Variants in UBASH3B observed in about 807,000 individuals in gnomAD.
The protein encoded by UBASH3B is ubiquitin associated and SH3 domain containing B.
A neutral mutation model predicts 83.4 loss-of-function variants in UBASH3B; 37 were observed. The ratio of observed to expected loss-of-function variants is 0.44; its 90% CI spans 0.34 to 0.58. The LOEUF (loss-of-function observed/expected upper bound fraction) is 0.58, where lower values mean the gene tolerates loss of function less well. Ranked by LOEUF, UBASH3B falls within the 20% of genes least tolerant of loss-of-function variation. UBASH3B has a pLI of 0.01. For synonymous variants in UBASH3B, 304 were observed against 318.3 expected, an observed-to-expected ratio of 0.96 and a Z score of 0.48; for missense variants, 657 against 827.2, an observed-to-expected ratio of 0.79 and a Z score of 2.52.
chr11:122,704,655 A>G (rs1223517258), intron 1 of UBASH3B, among the ~76,000 whole-genome samples: 2 of 151,918 alleles, frequency 1.3e-5, no homozygotes, highest in Non-Finnish European at 1.5e-5. Flanking sequence ...GACTACAGGC[A>G]CGCACCACCA....
chr11:122,759,638 C>T lies in UBASH3B; in HGVS notation c.162-16581C>T, dbSNP rs573060286. ...TGGGAGACAATGACAGACTATCAGG[C>T]ATTAGATTCTCCTGAGGAGCCTGCA... On this transcript the variant is annotated intron_variant, in intron 1 of 13. Coordinates refer to ENST00000284273, the MANE Select transcript of UBASH3B (RefSeq NM_032873.5). The surrounding 1 kb of genome is among the most constrained non-coding windows in gnomAD (Gnocchi z 4.1). Among the ~76,000 whole-genome samples, 6 of 152,286 alleles carry T rather than the reference C, an allele frequency of 3.9e-5. No homozygotes were observed. Among genetic ancestry groups the T allele is most frequent in the Admixed American group, 6.5e-5 (1 of 15,294 alleles).
In UBASH3B at chr11:122,799,008, T is replaced by C. The variant is rs1200141566; in HGVS notation, c.1424T>C (p.Val475Ala). 8.7e-6 allele frequency: 14 copies of C among 1,613,990 alleles called. No homozygotes were observed. Among genetic ancestry groups the C allele is most frequent in the Non-Finnish European group, 1.2e-5 (14 of 1,180,004 alleles). Residue 475 changes from valine to alanine, a missense_variant, in exon 10 of 14, where the codon GTT becomes GCT. Val to Ala is a moderately conservative substitution (Grantham distance 64). Transcript: ENST00000284273. ...TATTGCTCCCCGTCCCTTCGCTGCG[T>C]TCAGACTGCACACAATATCTTGAAA... ...HVYCSPSLRC[V>A]QTAHNILKGL...
rs189455379 is a variant in UBASH3B at position 122,730,930 on chromosome 11, T to A, written c.162-45289T>A. On this transcript the variant is annotated intron_variant, in intron 1 of 13. Coordinates refer to ENST00000284273, the MANE Select transcript of UBASH3B (RefSeq NM_032873.5). ...TTCTTATTCACCTTCTGTCCTTGTCTTGCTGTCTTTCATTTCCCTCCCTGA... is the reference window on the plus strand; with the variant it reads ...TTCTTATTCACCTTCTGTCCTTGTCATGCTGTCTTTCATTTCCCTCCCTGA... Among the ~76,000 whole-genome samples the A allele has an allele frequency of 1.4e-4, 21 of 152,358 alleles. No individual in the cohort carries two copies. The East Asian group carries it at 4.1e-3, about 29-fold the overall frequency.
chr11:122,745,697 C>T (rs1293122122), intron 1 of UBASH3B, among the ~76,000 whole-genome samples: 1 of 152,182 alleles, frequency 6.6e-6, no homozygotes, highest in South Asian at 2.1e-4. Flanking sequence ...ATCTCCCCTG[C>T]CATGCCCTCT....
At chr11:122,761,302 C>T (rs1002008908) in intron 1 of UBASH3B, among the ~76,000 whole-genome samples, 4 of 152,054 alleles carry the variant, frequency 2.6e-5, no homozygotes, top group Non-Finnish European at 5.9e-5. Flanking sequence ...CTACCAACAA[C>T]CAAAAATAAA....
At position 122,702,401 on chromosome 11, in the gene UBASH3B, C is replaced by T. The variant is rs984812030; in HGVS notation, c.161+46191C>T. On this transcript the variant is annotated intron_variant, in intron 1 of 13. Transcript: ENST00000284273. ...TATAGGACCCTACCCCTACCAAGCA[C>T]GGAGATCCCTTGCCTTCATCGTTCA... 5.3e-5 allele frequency among the ~76,000 whole-genome samples: 8 copies of T among 152,192 alleles called. No individual in the cohort carries two copies. In the South Asian group the frequency reaches 8.3e-4, roughly 16 times the overall value.
chr11:122,770,435 C>T (rs540679461), intron 1 of UBASH3B, among the ~76,000 whole-genome samples: 44 of 149,826 alleles, frequency 2.9e-4, no homozygotes, highest in Non-Finnish European at 5.3e-4. Context: ...ATAACCTATC[C>T]CTCTGAGTCG....
intron 1 of UBASH3B, among the ~76,000 whole-genome samples, chr11:122,684,606 T>TTTG (rs200121740): frequency 6.6e-6 from 1 of 152,006 alleles, no homozygotes; most frequent in Non-Finnish European, 1.5e-5. Context: ...CAGGTTTGTG[T>TTTG]TTGTTGTTGT....
intron 1 of UBASH3B, among the ~76,000 whole-genome samples, chr11:122,752,423 G>C (rs907332384): frequency 1.3e-5 from 2 of 152,204 alleles, no homozygotes; most frequent in Non-Finnish European, 2.9e-5. Context: ...TGAACTCAAG[G>C]GACCAGGTGC....
At chr11:122,737,789 C>T (rs567102186) in intron 1 of UBASH3B, among the ~76,000 whole-genome samples, 28 of 151,788 alleles carry the variant, frequency 1.8e-4, no homozygotes, top group African/African-American at 6.3e-4. Context: ...AGGAATAGGT[C>T]AGGACGCCAG....
At chr11:122,768,194 A>G (rs1860583917) in intron 1 of UBASH3B, among the ~76,000 whole-genome samples, 1 of 152,092 alleles carries the variant, frequency 6.6e-6, no homozygotes, top group East Asian at 1.9e-4. Flanking sequence ...CTTAACTGAG[A>G]AAGTACAGGG....
At chr11:122,662,962 G>A (rs1414193410) in intron 1 of UBASH3B, among the ~76,000 whole-genome samples, 1 of 145,984 alleles carries the variant, frequency 6.9e-6, no homozygotes, top group East Asian at 2.0e-4. Flanking sequence ...TCCCTCTTAC[G>A]CGCTAATGTC....
chr11:122,680,199 G>A (rs369768495), intron 1 of UBASH3B, among the ~76,000 whole-genome samples: 1 of 152,222 alleles, frequency 6.6e-6, no homozygotes, highest in African/African-American at 2.4e-5. Context: ...CAGGAGGTGG[G>A]CTGGTTTGGC....
intron 5 of UBASH3B, among the ~76,000 whole-genome samples, chr11:122,786,196 C>T (rs1409373080): frequency 1.3e-5 from 2 of 152,108 alleles, no homozygotes; most frequent in East Asian, 2.0e-4. Context: ...ACTACAGGCA[C>T]CTGCCACCAC....
At chr11:122,683,323 A>G (rs1159997391) in intron 1 of UBASH3B, among the ~76,000 whole-genome samples, 1 of 151,342 alleles carries the variant, frequency 6.6e-6, no homozygotes, top group African/African-American at 2.4e-5. Flanking sequence ...TATTTAAATT[A>G]TGACCACAGG....
chr11:122,768,002 C>T (rs1264487962), intron 1 of UBASH3B, among the ~76,000 whole-genome samples: 7 of 151,924 alleles, frequency 4.6e-5, no homozygotes, highest in African/African-American at 1.2e-4. Flanking sequence ...TAGCGGTTGA[C>T]TTGCATGACT....
Position 122,810,103 on chromosome 11 carries a change from T to C in UBASH3B, c.*217T>C, listed in dbSNP as rs1042652386. 1.2e-5 allele frequency: 6 copies of C among 515,744 alleles called. No individual in the cohort carries two copies. Among genetic ancestry groups the C allele is most frequent in the Non-Finnish European group, 1.7e-5 (5 of 300,262 alleles). The allele number at this position is 515,744 out of a possible 1,614,324, so 31.9% of individuals were successfully genotyped here. On this transcript the variant is annotated 3_prime_UTR_variant, in exon 14 of 14. Coordinates refer to ENST00000284273, the MANE Select transcript of UBASH3B (RefSeq NM_032873.5). ...TGTTCTCTCTGGACTCTTGCCTAGC[T>C]CACAAGGCTTTGGAGAATTGTCTTC...
At chr11:122,714,140 G>C (rs1443874723) in intron 1 of UBASH3B, among the ~76,000 whole-genome samples, 2 of 152,206 alleles carry the variant, frequency 1.3e-5, no homozygotes, top group Non-Finnish European at 2.9e-5. Flanking sequence ...CATCTGTCAG[G>C]AAGCTGAAAG....
intron 1 of UBASH3B, among the ~76,000 whole-genome samples, chr11:122,696,366 G>A (rs1191524983): frequency 8.6e-5 from 12 of 139,402 alleles, no homozygotes; most frequent in African/African-American, 2.7e-4. Context: ...ATGAAGACTC[G>A]TTCTGTCACC....
Sources: gnomAD v4.1 joint callset for allele counts (sites outside exome capture counted in the v4.1 genomes callset) on GRCh38, gnomAD v4.1.1 for gene constraint, Gnocchi (gnomAD v3.1) non-coding constraint, MANE v1.5 for transcripts, NCBI Gene and HGNC (gene_info 2026-07-23, HGNC 2026-07-21) for gene names.